Variants in HYCC1 observed in about 807,000 individuals in gnomAD.
The protein encoded by HYCC1 is hyccin.
At chr7:22,983,849 T>C in the HYCC1 span, 2 of 753,328 alleles carry the variant, frequency 2.7e-6, no homozygotes, top group Middle Eastern at 2.3e-4. Context: ...TTTAAACATA[T>C]ACATTTTCTT....
chr7:22,994,289 T>C, the HYCC1 span, among the ~76,000 whole-genome samples: 28 of 152,334 alleles, frequency 1.8e-4, no homozygotes, highest in Admixed American at 3.9e-4. Flanking sequence ...ATATCTGTGT[T>C]ACAGTGTTGG....
the HYCC1 span, among the ~76,000 whole-genome samples, chr7:22,997,561 A>T: frequency 6.6e-6 from 1 of 152,196 alleles, no homozygotes; most frequent in Admixed American, 6.5e-5. Flanking sequence ...ATGGAGAGAA[A>T]TGTTCAGATT....
At chr7:23,008,042 T>G in the HYCC1 span, among the ~76,000 whole-genome samples, 3 of 152,104 alleles carry the variant, frequency 2.0e-5, no homozygotes, top group Admixed American at 2.0e-4. Flanking sequence ...TATAACTTAA[T>G]ATTATTCTAG....
At chr7:22,967,372 A>C in the HYCC1 span, among the ~76,000 whole-genome samples, 1 of 152,234 alleles carries the variant, frequency 6.6e-6, no homozygotes, top group Non-Finnish European at 1.5e-5. Context: ...AGGAAAGTTC[A>C]AAGGCAGAGG....
At chr7:22,985,111 CAG>C in the HYCC1 span, among the ~76,000 whole-genome samples, 1,513 of 152,300 alleles carry the variant, frequency 9.9e-3, 26 homozygotes, top group African/African-American at 0.033. Flanking sequence ...TTACTTCCTT[CAG>C]TCAGTCATTG....
chr7:23,012,668 G>A, the HYCC1 span, among the ~76,000 whole-genome samples: 4 of 152,042 alleles, frequency 2.6e-5, no homozygotes, highest in Non-Finnish European at 5.9e-5. Flanking sequence ...TATTCATCCT[G>A]TAAACCTTAA....
At chr7:23,006,882 T>G in the HYCC1 span, among the ~76,000 whole-genome samples, 2 of 152,132 alleles carry the variant, frequency 1.3e-5, no homozygotes, top group African/African-American at 4.8e-5. Context: ...TAATTCAAAC[T>G]AAAATGGAAA....
chr7:23,002,164 A>ACAAT, the HYCC1 span, among the ~76,000 whole-genome samples: 253 of 26,156 alleles, frequency 9.7e-3, 8 homozygotes, highest in African/African-American at 0.024. Context: ...ATATATATAT[A>ACAAT]TATATATATA....
At chr7:22,960,355 T>G in the HYCC1 span, 1 of 1,613,244 alleles carries the variant, frequency 6.2e-7, no homozygotes, top group Admixed American at 1.7e-5. Flanking sequence ...ATACACCTTG[T>G]ACCTTCCTTA....
the HYCC1 span, among the ~76,000 whole-genome samples, chr7:22,917,145 C>T: frequency 1.3e-5 from 2 of 152,178 alleles, no homozygotes; most frequent in Non-Finnish European, 2.9e-5. Context: ...TTCTGTCCCT[C>T]ACGGCAGTTT....
the HYCC1 span, among the ~76,000 whole-genome samples, chr7:22,895,871 T>C: frequency 6.6e-6 from 1 of 152,240 alleles, no homozygotes; most frequent in African/African-American, 2.4e-5. Flanking sequence ...ATTATGATGA[T>C]TTCCTTATGT....
the HYCC1 span, among the ~76,000 whole-genome samples, chr7:22,989,648 T>C: frequency 1.1e-4 from 17 of 152,204 alleles, no homozygotes; most frequent in Admixed American, 2.0e-4. Context: ...ATAAGCCACC[T>C]CATCTGGCCA....
chr7:22,991,734 AAC>A, the HYCC1 span, among the ~76,000 whole-genome samples: 3 of 152,262 alleles, frequency 2.0e-5, no homozygotes, highest in African/African-American at 7.2e-5. Flanking sequence ...GGAAATGCAG[AAC>A]AGTTTTATCT....
At chr7:22,978,224 T>C in the HYCC1 span, 1 of 1,571,038 alleles carries the variant, frequency 6.4e-7, no homozygotes, top group Non-Finnish European at 8.8e-7. Flanking sequence ...GGTTATATAT[T>C]TGATTTTGTC....
At chr7:22,902,630 A>G in the HYCC1 span, among the ~76,000 whole-genome samples, 2 of 152,104 alleles carry the variant, frequency 1.3e-5, no homozygotes, top group African/African-American at 4.8e-5. Flanking sequence ...TGCCATATAT[A>G]TGGTTATTTT....
the HYCC1 span, among the ~76,000 whole-genome samples, chr7:22,921,460 TACA>T: frequency 6.6e-6 from 1 of 152,180 alleles, no homozygotes; most frequent in African/African-American, 2.4e-5. Flanking sequence ...GACACAAAAT[TACA>T]TAAAGTAATA....
At chr7:23,013,348 A>C in the HYCC1 span, among the ~76,000 whole-genome samples, 3 of 152,214 alleles carry the variant, frequency 2.0e-5, no homozygotes, top group African/African-American at 4.8e-5. Context: ...CAGGGGACCA[A>C]AGACCGACTC....
chr7:22,898,586 T>C, the HYCC1 span, among the ~76,000 whole-genome samples: 5 of 56,020 alleles, frequency 8.9e-5, no homozygotes, highest in African/African-American at 3.0e-4. Flanking sequence ...TTTCTTTTCT[T>C]TTCTTTTCTT....
the HYCC1 span, among the ~76,000 whole-genome samples, chr7:22,962,248 A>G: frequency 3.9e-5 from 6 of 152,324 alleles, no homozygotes; most frequent in East Asian, 1.2e-3. Context: ...CTAGAAGCCA[A>G]ATTGCTAAAA....
Sources: gnomAD v4.1 joint callset for allele counts (sites outside exome capture counted in the v4.1 genomes callset) on GRCh38, gnomAD v4.1.1 for gene constraint, MANE v1.5 for transcripts, NCBI Gene and HGNC (gene_info 2026-07-23, HGNC 2026-07-21) for gene names.